SLC9A3: variants seen among roughly 807,000 people sequenced by gnomAD.
The protein encoded by SLC9A3 is sodium/hydrogen exchanger 3.
SLC9A3 carries 37 observed loss-of-function variants against 86.8 expected under a neutral mutation model. That is an observed-to-expected ratio of 0.43 (90% CI 0.33 to 0.56). The LOEUF is 0.56. Among genes scored for constraint, SLC9A3 ranks in the 20% least tolerant of loss-of-function variants. The pLI, the probability that SLC9A3 is intolerant of heterozygous loss-of-function variation, is 0.06. For synonymous variants in SLC9A3, 581 were observed against 528.3 expected (o/e 1.10, Z -1.37); for missense variants, 1,011 against 1,171.9 (o/e 0.86, Z 2.00).
rs1739813561 is a variant in SLC9A3, at chr5:492,390, G to A, written c.212-319C>T. On this transcript the variant is annotated intron_variant, in intron 1 of 16. Coordinates refer to ENST00000264938, the MANE Select transcript of SLC9A3 (RefSeq NM_004174.4). Reference sequence around the variant, plus strand: ...GAGGGAGGTAGGGGGGAACCCACAGGGGAGGGGAGGGAGGTCGGGGTGGGA... The same window carrying A: ...GAGGGAGGTAGGGGGGAACCCACAGAGGAGGGGAGGGAGGTCGGGGTGGGA... Among the ~76,000 whole-genome samples the A allele has an allele frequency of 3.0e-5, 3 of 99,850 alleles. 1 individual carries two copies. In the Admixed American group the frequency reaches 3.1e-4, roughly 10 times the overall value. The allele number at this position is 99,850 out of a possible 152,430, so 65.5% of individuals were successfully genotyped here. A position where few individuals can be genotyped will look rare whatever the true frequency, so the allele number is the denominator to read the frequency against.
At chr5:475,865 C>G (rs1003179616) in intron 14 of SLC9A3, among the ~76,000 whole-genome samples, 155 bp downstream of exon 14, 9 of 152,096 alleles carry the variant, frequency 5.9e-5, no homozygotes, top group African/African-American at 1.7e-4. Context: ...CTGGGTGGGT[C>G]TGCAGCTGGG....
rs1436350864 is a variant in SLC9A3 at position 475,568 on chromosome 5, G to T, written c.2244C>A (p.Ser748=). ...CCTGTGCCCCGTCCCCACCTGCAGG[G>T]GAGTCGGACGCTGTGTCCTTGGTGA... ...ASVTKDTASD[S]PAGIDNPVFS... The change falls in exon 15 of 17, where the codon TCC becomes TCA. Residue 748 remains serine, a synonymous_variant. Coordinates refer to ENST00000264938, the MANE Select transcript of SLC9A3 (RefSeq NM_004174.4). 4 of 1,543,650 alleles carry T rather than the reference G, an allele frequency of 2.6e-6. No individual in the cohort carries two copies. Among genetic ancestry groups the T allele is most frequent in the African/African-American group, 1.4e-5 (1 of 73,016 alleles).
rs766863335 is a variant in SLC9A3 at position 472,664 on chromosome 5, T to G, written c.*715A>C. On this transcript the variant is annotated 3_prime_UTR_variant, in exon 17 of 17. Transcript: ENST00000264938. Reference sequence around the variant, plus strand: ...CCAAACGCTGAGCAGACGGAAGACGTTCCTGCCACTTTACCTGCAGTTCAA... The same window carrying G: ...CCAAACGCTGAGCAGACGGAAGACGGTCCTGCCACTTTACCTGCAGTTCAA... 5 of 489,428 alleles carry G rather than the reference T, an allele frequency of 1.0e-5. No individual in the cohort carries two copies. The highest frequency in any genetic ancestry group is 7.7e-5 in the South Asian group (5 of 64,752). The allele number at this position is 489,428 out of a possible 1,614,324, so 30.3% of individuals were successfully genotyped here.
chr5:524,205 C>T lies in SLC9A3; in HGVS notation c.118G>A (p.Gly40Arg), dbSNP rs866241750. Residue 40 changes from glycine (G) to arginine (R), a missense_variant, in exon 1 of 17, where the codon GGG becomes AGG. Coordinates refer to ENST00000264938, the MANE Select transcript of SLC9A3 (RefSeq NM_004174.4). ...VEPGGAHGES[G>R]GFQVVTFEWA... ...TCGAAGGTGACCACCTGGAAGCCCCCGCTCTCGCCGTGCGCGCCGCCGGGC... is the reference window on the plus strand; with the variant it reads ...TCGAAGGTGACCACCTGGAAGCCCCTGCTCTCGCCGTGCGCGCCGCCGGGC... The T allele has an allele frequency of 4.6e-6, 7 of 1,530,620 alleles. No homozygotes were observed. The highest frequency in any genetic ancestry group is 1.2e-5 in the South Asian group (1 of 81,710). The allele number at this position is 1,530,620 out of a possible 1,614,324, so 94.8% of individuals were successfully genotyped here. A position where few individuals can be genotyped will look rare whatever the true frequency, so the allele number is the denominator to read the frequency against.
chr5:504,585 C>T (rs1221894992), intron 1 of SLC9A3, among the ~76,000 whole-genome samples: 1 of 152,214 alleles, frequency 6.6e-6, no homozygotes, highest in Non-Finnish European at 1.5e-5. Flanking sequence ...GGCCCCGCTG[C>T]CTCCTCCTGT....
intron 1 of SLC9A3, among the ~76,000 whole-genome samples, chr5:520,155 C>G (rs988522060): frequency 6.6e-6 from 1 of 152,172 alleles, no homozygotes; most frequent in African/African-American, 2.4e-5. Flanking sequence ...CCAGCGCTGC[C>G]CAGCTCTGGA....
intron 1 of SLC9A3, among the ~76,000 whole-genome samples, chr5:514,443 G>A (rs1733665674): frequency 6.6e-6 from 1 of 152,214 alleles, no homozygotes. Flanking sequence ...CCCTTCCTGG[G>A]GCCCACCCTG....
At chr5:483,013 C>T (rs545116490) in intron 6 of SLC9A3, among the ~76,000 whole-genome samples, 135 of 152,130 alleles carry the variant, frequency 8.9e-4, no homozygotes, top group Admixed American at 3.1e-3. Context: ...TCTTGCTTCC[C>T]GTTCCATCTC....
chr5:488,556 G>C (rs537254293), intron 2 of SLC9A3, 80 bp from the exon 3 acceptor site: 1 of 1,392,854 alleles, frequency 7.2e-7, no homozygotes, highest in Non-Finnish European at 9.5e-7. Flanking sequence ...GCTCGCCTAC[G>C]GGTCGGGGTT....
intron 1 of SLC9A3, among the ~76,000 whole-genome samples, chr5:502,387 T>C (rs1380691760): frequency 6.6e-6 from 1 of 151,836 alleles, no homozygotes; most frequent in East Asian, 1.9e-4. Flanking sequence ...TGGATGCAGA[T>C]CCCAGCTGCC....
intron 1 of SLC9A3, among the ~76,000 whole-genome samples, chr5:523,345 G>A (rs1329822669): frequency 1.3e-5 from 2 of 152,030 alleles, no homozygotes; most frequent in South Asian, 2.1e-4. Context: ...CTGGAAACCT[G>A]CCGCGGCGCC....
rs1208828931 is a variant in SLC9A3, at chr5:497,180, C to T, written c.212-5109G>A. Among the ~76,000 whole-genome samples, 1 of 152,218 alleles carries T rather than the reference C, an allele frequency of 6.6e-6. No homozygotes were observed. Among genetic ancestry groups the T allele is most frequent in the Non-Finnish European group, 1.5e-5 (1 of 68,040 alleles). Reference sequence around the variant, plus strand: ...GATGTCTGTTCTTGAAATCCCCGAGCCTGGAAGTGGATCTGGGTGGCACTG... The same window carrying T: ...GATGTCTGTTCTTGAAATCCCCGAGTCTGGAAGTGGATCTGGGTGGCACTG... On this transcript the variant is annotated intron_variant, in intron 1 of 16. Coordinates refer to ENST00000264938, the MANE Select transcript of SLC9A3 (RefSeq NM_004174.4). The surrounding 1 kb of genome is among the most constrained non-coding windows in gnomAD (Gnocchi z 5.4).
At chr5:479,767 C>CG in intron 10 of SLC9A3, 69 bp downstream of exon 10, 1 of 1,572,318 alleles carries the variant, frequency 6.4e-7, no homozygotes. Context: ...CCTCACTGCC[C>CG]CATGGCACCC....
chr5:480,160 C>T (rs1739071026), intron 9 of SLC9A3, 195 bp from the exon 10 acceptor site: 1 of 570,350 alleles, frequency 1.8e-6, no homozygotes, highest in Non-Finnish European at 3.1e-6. Context: ...TGGATGGAGG[C>T]CGTTAGACGC....
chr5:506,360 G>A (rs1357299512), intron 1 of SLC9A3, among the ~76,000 whole-genome samples: 5 of 152,174 alleles, frequency 3.3e-5, no homozygotes, highest in African/African-American at 1.2e-4. Flanking sequence ...TGGGGTGCGC[G>A]GCAGGGCCAG....
intron 1 of SLC9A3, among the ~76,000 whole-genome samples, chr5:504,818 G>A (rs1395175617): frequency 6.6e-6 from 1 of 152,112 alleles, no homozygotes; most frequent in African/African-American, 2.4e-5. Flanking sequence ...CAGAGGCTCA[G>A]AAGGGGAGGG....
chr5:475,183 A>C, intron 15 of SLC9A3, 51 bp from the exon 16 acceptor site: 1 of 1,516,206 alleles, frequency 6.6e-7, no homozygotes, highest in Non-Finnish European at 8.8e-7. Context: ...CCACGGCGGC[A>C]GGGGAGACCT....
Position 497,190 on chromosome 5 carries a change from G to T in SLC9A3, c.212-5119C>A, listed in dbSNP as rs1022317370. Among the ~76,000 whole-genome samples, 1 of 152,178 alleles carries T rather than the reference G, an allele frequency of 6.6e-6. No individual in the cohort carries two copies. Among genetic ancestry groups the T allele is most frequent in the Non-Finnish European group, 1.5e-5 (1 of 68,020 alleles). On this transcript the variant is annotated intron_variant, in intron 1 of 16. Coordinates refer to ENST00000264938, the MANE Select transcript of SLC9A3 (RefSeq NM_004174.4). The surrounding 1 kb of genome is among the most constrained non-coding windows in gnomAD (Gnocchi z 5.4). ...CTTGAAATCCCCGAGCCTGGAAGTG[G>T]ATCTGGGTGGCACTGGTGGGTGCTC...
chr5:474,946 G>T lies in SLC9A3; in HGVS notation c.2438C>A (p.Ser813Tyr). The T allele has an allele frequency of 6.2e-7, 1 of 1,608,190 alleles. No homozygotes were observed. The highest frequency in any genetic ancestry group is 8.5e-7 in the Non-Finnish European group (1 of 1,178,208). The stretch of plus-strand genomic sequence containing the variant: ...CTCGGGGCCGTCTGCCTGCAGGAAG[G>T]AGTCCACGGACTTGCTGCTGAGGCG... ...PFRLSSKSVDSFLQADGPEER... is the reference protein window; with the variant it reads ...PFRLSSKSVDYFLQADGPEER... Residue 813 changes from serine (S) to tyrosine (Y), a missense_variant, in exon 16 of 17, where the codon TCC becomes TAC. This residue lies in a region of SLC9A3 where 397 missense variants were observed against 346.3 expected (regional missense o/e 1.15). Transcript: ENST00000264938.
Sources: allele counts gnomAD v4.1 joint callset (sites outside exome capture counted in the v4.1 genomes callset), GRCh38; gene constraint gnomAD v4.1.1; regional missense constraint gnomAD v4.1.1; non-coding constraint Gnocchi (gnomAD v3.1); transcripts MANE v1.5; gene names NCBI Gene and HGNC (gene_info 2026-07-23, HGNC 2026-07-21).